Variants in CNTN6 observed in about 807,000 individuals in gnomAD.
CNTN6 encodes the protein contactin-6.
A neutral mutation model predicts 122.8 loss-of-function variants in CNTN6; 137 were observed. The observed-to-expected ratio is 1.12, with a 90% CI of 0.97 to 1.29. The LOEUF (loss-of-function observed/expected upper bound fraction) is 1.29, where lower values mean the gene tolerates loss of function less well. CNTN6 is among the 50% of genes most tolerant of loss of function. The pLI is 0.00. For synonymous variants in CNTN6, 570 were observed against 426.0 expected, an observed-to-expected ratio of 1.34 and a Z score of -4.16; for missense variants, 1,634 against 1,223.4, an observed-to-expected ratio of 1.34 and a Z score of -5.01.
chr3:1,298,753 T>C (rs1428871534), intron 7 of CNTN6, among the ~76,000 whole-genome samples: 2 of 152,152 alleles, frequency 1.3e-5, no homozygotes, highest in Non-Finnish European at 2.9e-5. Flanking sequence ...ATTCTGACTC[T>C]AGAGGTCTAG....
At chr3:1,318,766 C>G (rs1700455580) in intron 7 of CNTN6, among the ~76,000 whole-genome samples, 1 of 151,676 alleles carries the variant, frequency 6.6e-6, no homozygotes, top group South Asian at 2.1e-4. Flanking sequence ...TGGTTAATGG[C>G]TGCTCCTGGG....
intron 4 of CNTN6, among the ~76,000 whole-genome samples, chr3:1,240,384 A>G (rs1352625802): frequency 6.6e-6 from 1 of 152,274 alleles, no homozygotes; most frequent in Non-Finnish European, 1.5e-5. Flanking sequence ...CAATTCTCAA[A>G]GAAGATATAC....
At chr3:1,137,259 T>C (rs1248816940) in intron 1 of CNTN6, among the ~76,000 whole-genome samples, 2 of 152,250 alleles carry the variant, frequency 1.3e-5, no homozygotes, top group African/African-American at 4.8e-5. Context: ...AACACTTGTG[T>C]TAAAGGGCCA....
chr3:1,144,596 A>AAAAT (rs2092684314), intron 1 of CNTN6, among the ~76,000 whole-genome samples: 1 of 115,508 alleles, frequency 8.7e-6, no homozygotes, highest in African/African-American at 3.7e-5. Flanking sequence ...AATAATAATA[A>AAAAT]AAAATAAAAA....
chr3:1,214,491 G>A (rs1445334878), intron 2 of CNTN6, among the ~76,000 whole-genome samples: 2 of 151,356 alleles, frequency 1.3e-5, no homozygotes, highest in Admixed American at 6.6e-5. Context: ...TATATTTTTA[G>A]TAGAGATGGG....
rs1394363889 is a variant in CNTN6 at position 1,298,002 on chromosome 3, T to G, written c.761+11T>G. The G allele has an allele frequency of 4.4e-6, 3 of 683,030 alleles. No individual in the cohort carries two copies. Among genetic ancestry groups the G allele is most frequent in the Non-Finnish European group, 4.0e-6 (2 of 500,102 alleles). The allele number at this position is 683,030 out of a possible 1,614,324, so 42.3% of individuals were successfully genotyped here. A position where few individuals can be genotyped will look rare whatever the true frequency, so the allele number is the denominator to read the frequency against. ...TTTTGCCCTTGGAAAGTAAGGTTTT[T>G]GTTTTTGTTTTTGTTTTCCTGGTTG... On this transcript the variant is annotated intron_variant, in intron 7 of 22. Transcript: ENST00000446702.
intron 17 of CNTN6, among the ~76,000 whole-genome samples, chr3:1,381,234 C>A (rs751926203): frequency 4.6e-5 from 7 of 152,162 alleles, no homozygotes; most frequent in Non-Finnish European, 1.0e-4. Context: ...AGCATCGATT[C>A]TTATAAATCT....
At chr3:1,309,035 C>T (rs1248264046) in intron 7 of CNTN6, among the ~76,000 whole-genome samples, 1 of 152,040 alleles carries the variant, frequency 6.6e-6, no homozygotes, top group Non-Finnish European at 1.5e-5. Context: ...GAACATAAGC[C>T]TTTTATCAGA....
chr3:1,275,417 A>G (rs1315299915), intron 4 of CNTN6, among the ~76,000 whole-genome samples: 1 of 152,068 alleles, frequency 6.6e-6, no homozygotes, highest in Non-Finnish European at 1.5e-5. Flanking sequence ...TTTGTCTTTT[A>G]TGTTCACGTA....
At chr3:1,193,574 G>A (rs115700771) in intron 2 of CNTN6, among the ~76,000 whole-genome samples, 13 of 152,114 alleles carry the variant, frequency 8.5e-5, no homozygotes, top group East Asian at 1.9e-4. Flanking sequence ...TTTCTCTAGC[G>A]TTATTACACC....
chr3:1,402,427 C>T lies in CNTN6; in HGVS notation c.2927C>T (p.Thr976Ile). 1 of 1,612,328 alleles carries T rather than the reference C, an allele frequency of 6.2e-7. No homozygotes were observed. The highest frequency in any genetic ancestry group is 8.5e-7 in the Non-Finnish European group (1 of 1,178,846). ...GAAGACTACTTAATTGAAATAAGAA[C>T]AGTCAGTGATGGTGGAGATGGAAGC... is the stretch of plus-strand genomic sequence containing the variant. The part of the protein sequence containing the change: ...FEEDYLIEIR[T>I]VSDGGDGSSS... Residue 976 changes from threonine (T) to isoleucine (I), a missense_variant, in exon 22 of 23, where the codon ACA becomes ATA. Thr to Ile is a moderately conservative substitution (Grantham distance 89). Transcript: ENST00000446702.
At chr3:1,157,461 C>G (rs7648251) in intron 2 of CNTN6, among the ~76,000 whole-genome samples, 28,622 of 151,966 alleles carry the variant, frequency 0.19, 3,447 homozygotes, top group African/African-American at 0.33. Context: ...AGGTGATCTG[C>G]CCGCCTTGGT....
chr3:1,301,373 C>T (rs1253332894), intron 7 of CNTN6, among the ~76,000 whole-genome samples: 2 of 151,950 alleles, frequency 1.3e-5, no homozygotes, highest in African/African-American at 4.8e-5. Flanking sequence ...CAATATTTGA[C>T]CCAGAAAAAT....
intron 5 of CNTN6, among the ~76,000 whole-genome samples, chr3:1,284,267 C>T (rs1693972776): frequency 6.6e-6 from 1 of 152,074 alleles, no homozygotes; most frequent in Non-Finnish European, 1.5e-5. Context: ...CAAGCAAAGG[C>T]TCACAATTGT....
chr3:1,331,758 A>G (rs1351914889), intron 11 of CNTN6, among the ~76,000 whole-genome samples: 1 of 151,834 alleles, frequency 6.6e-6, no homozygotes, highest in African/African-American at 2.4e-5. Flanking sequence ...ACAAGCTTTA[A>G]AGGTCCAAAC....
chr3:1,099,317 G>A (rs985012450), intron 1 of CNTN6, among the ~76,000 whole-genome samples: 1 of 151,414 alleles, frequency 6.6e-6, no homozygotes, highest in African/African-American at 2.4e-5. Flanking sequence ...AGGGTGTGGT[G>A]GCGGGCGCCT....
chr3:1,314,877 C>CTT (rs1387805207), intron 7 of CNTN6, among the ~76,000 whole-genome samples: 1 of 151,944 alleles, frequency 6.6e-6, no homozygotes, highest in African/African-American at 2.4e-5. Context: ...TAAGAAAAGG[C>CTT]TTTTGCAATG....
chr3:1,315,817 A>G (rs568520036), intron 7 of CNTN6, among the ~76,000 whole-genome samples: 2 of 152,052 alleles, frequency 1.3e-5, no homozygotes, highest in South Asian at 2.1e-4. Flanking sequence ...TCAAGGTTGT[A>G]TCTCCATAGC....
At chr3:1,097,058 T>A (rs2090566734) in intron 1 of CNTN6, among the ~76,000 whole-genome samples, 1 of 152,244 alleles carries the variant, frequency 6.6e-6, no homozygotes, top group African/African-American at 2.4e-5. Context: ...ATTCTCAGTA[T>A]TCATATTGAA....
Sources: allele counts gnomAD v4.1 joint callset (sites outside exome capture counted in the v4.1 genomes callset), GRCh38; gene constraint gnomAD v4.1.1; transcripts MANE v1.5; gene names NCBI Gene and HGNC (gene_info 2026-07-23, HGNC 2026-07-21).